Variants in LRRC4C observed in about 807,000 individuals in gnomAD.
The protein encoded by LRRC4C is leucine-rich repeat-containing protein 4C.
LRRC4C carries 5 observed loss-of-function variants against 33.6 expected under a neutral mutation model. The observed-to-expected ratio is 0.15, with a 90% confidence interval of 0.08 to 0.31. LRRC4C has a LOEUF of 0.31. LRRC4C is among the 10% of genes least tolerant of loss of function. The pLI is 1.00. For synonymous variants in LRRC4C, 329 were observed against 302.0 expected (o/e 1.09, Z -0.93); for missense variants, 560 against 796.7 (o/e 0.70, Z 3.58).
chr11:41,373,152 A>G (rs896864388), intron 1 of LRRC4C, among the ~76,000 whole-genome samples: 4 of 152,260 alleles, frequency 2.6e-5, no homozygotes, highest in African/African-American at 7.2e-5. Context: ...AGGTCATAAT[A>G]TAATCTCTTG....
chr11:41,254,856 A>C (rs999012348), intron 1 of LRRC4C, among the ~76,000 whole-genome samples: 1 of 152,052 alleles, frequency 6.6e-6, no homozygotes, highest in Non-Finnish European at 1.5e-5. Flanking sequence ...CTGTGGTTAT[A>C]AAACTTTTAT....
At chr11:40,559,750 A>C (rs1957474298) in intron 3 of LRRC4C, among the ~76,000 whole-genome samples, 1 of 152,082 alleles carries the variant, frequency 6.6e-6, no homozygotes. Flanking sequence ...TGGTATGACT[A>C]CCTCGTACCA....
At chr11:40,281,661 A>C in intron 4 of LRRC4C, among the ~76,000 whole-genome samples, 1 of 152,190 alleles carries the variant, frequency 6.6e-6, no homozygotes, top group East Asian at 1.9e-4. Context: ...CCCTGAAATT[A>C]AATTCCTTAG....
chr11:40,701,962 C>T (rs536105213), intron 2 of LRRC4C, among the ~76,000 whole-genome samples: 1 of 151,972 alleles, frequency 6.6e-6, no homozygotes, highest in East Asian at 1.9e-4. Flanking sequence ...GACAAGATAA[C>T]TGTATAATAG....
intron 2 of LRRC4C, among the ~76,000 whole-genome samples, chr11:40,696,022 T>G (rs1945485010): frequency 8.1e-6 from 1 of 123,066 alleles, no homozygotes; most frequent in Non-Finnish European, 1.5e-5. Context: ...ATATATGTGG[T>G]GTGTGTGTGT....
At chr11:40,411,957 A>T (rs1390486397) in intron 3 of LRRC4C, among the ~76,000 whole-genome samples, 1 of 152,026 alleles carries the variant, frequency 6.6e-6, no homozygotes, top group Non-Finnish European at 1.5e-5. Flanking sequence ...AGGTGAGAAA[A>T]CAGACTTATT....
chr11:40,781,032 G>A (rs1388102948), intron 2 of LRRC4C, among the ~76,000 whole-genome samples: 1 of 152,118 alleles, frequency 6.6e-6, no homozygotes. Flanking sequence ...AAGCATCAGA[G>A]AGTGTACTTT....
At chr11:40,388,354 T>C (rs1363130271) in intron 3 of LRRC4C, among the ~76,000 whole-genome samples, 1 of 152,170 alleles carries the variant, frequency 6.6e-6, no homozygotes, top group Non-Finnish European at 1.5e-5. Context: ...TACTCATAAG[T>C]ACACCATAAA....
chr11:40,592,461 A>G (rs1959102650), intron 3 of LRRC4C, among the ~76,000 whole-genome samples: 1 of 152,188 alleles, frequency 6.6e-6, no homozygotes, highest in Non-Finnish European at 1.5e-5. Flanking sequence ...TATTAATCCT[A>G]CTAGTCTGGG....
intron 6 of LRRC4C, among the ~76,000 whole-genome samples, chr11:40,120,833 A>G (rs537318226): frequency 2.6e-5 from 4 of 152,282 alleles, no homozygotes; most frequent in East Asian, 1.9e-4. Context: ...AAAGGGTCCA[A>G]TGTGAGACTT....
chr11:40,924,514 A>G (rs1356942264), intron 2 of LRRC4C, among the ~76,000 whole-genome samples: 1 of 152,156 alleles, frequency 6.6e-6, no homozygotes, highest in East Asian at 1.9e-4. Flanking sequence ...GGGGTGGGAT[A>G]GAGAAAGATT....
At chr11:40,283,334 C>T (rs1943607251) in intron 4 of LRRC4C, among the ~76,000 whole-genome samples, 1 of 151,946 alleles carries the variant, frequency 6.6e-6, no homozygotes, top group Non-Finnish European at 1.5e-5. Context: ...GCTTTTGGCT[C>T]AATTTATATA....
At chr11:40,343,018 T>C (rs755125782) in intron 3 of LRRC4C, among the ~76,000 whole-genome samples, 9 of 151,740 alleles carry the variant, frequency 5.9e-5, no homozygotes, top group Non-Finnish European at 1.0e-4. Context: ...CGCATTTTTT[T>C]ATTTTATATA....
intron 1 of LRRC4C, among the ~76,000 whole-genome samples, chr11:41,068,624 T>C (rs1169072248): frequency 6.6e-6 from 1 of 151,972 alleles, no homozygotes; most frequent in African/African-American, 2.4e-5. Context: ...CTAAAAGAAA[T>C]GGATAAATTC....
intron 4 of LRRC4C, among the ~76,000 whole-genome samples, chr11:40,310,425 T>C (rs1945246830): frequency 6.6e-6 from 1 of 152,186 alleles, no homozygotes. Flanking sequence ...TTATTCATCA[T>C]TGTACCACAT....
At chr11:41,297,057 T>C (rs1756515750) in intron 1 of LRRC4C, among the ~76,000 whole-genome samples, 1 of 152,200 alleles carries the variant, frequency 6.6e-6, no homozygotes, top group African/African-American at 2.4e-5. Flanking sequence ...AAACTTTTCT[T>C]CTATATCAAA....
chr11:41,091,208 AT>A (rs1349956741), intron 1 of LRRC4C, among the ~76,000 whole-genome samples: 1 of 151,928 alleles, frequency 6.6e-6, no homozygotes, highest in East Asian at 1.9e-4. Flanking sequence ...ACATAATACT[AT>A]TATTAGATAG....
intron 2 of LRRC4C, among the ~76,000 whole-genome samples, chr11:40,846,686 T>A (rs1290889419): frequency 6.6e-6 from 1 of 152,182 alleles, no homozygotes; most frequent in African/African-American, 2.4e-5. Context: ...TTTATCTAAT[T>A]CTGTGAAGAA....
chr11:40,303,471 G>A (rs1420917288), intron 4 of LRRC4C, among the ~76,000 whole-genome samples: 10 of 152,086 alleles, frequency 6.6e-5, no homozygotes, highest in Admixed American at 2.6e-4. Flanking sequence ...TAGGCTGCAC[G>A]TTGTGGTTAG....
Sources: gnomAD v4.1 joint callset for allele counts (sites outside exome capture counted in the v4.1 genomes callset) on GRCh38, gnomAD v4.1.1 for gene constraint, MANE v1.5 for transcripts, NCBI Gene and HGNC (gene_info 2026-07-23, HGNC 2026-07-21) for gene names.